The following NRG4 variants were observed in gnomAD, a reference collection of about 807,000 sequenced individuals.
The protein encoded by NRG4 is neuregulin 4.
A neutral mutation model predicts 15.0 loss-of-function variants in NRG4; 10 were observed. That is an observed-to-expected ratio of 0.67 (90% CI 0.41 to 1.13). The LOEUF (loss-of-function observed/expected upper bound fraction) is 1.13, where lower values mean the gene tolerates loss of function less well. Among genes scored for constraint, NRG4 ranks in the 50% most tolerant of loss-of-function variants. The probability of loss-of-function intolerance (pLI) is 0.00; values close to 1 mark genes in which losing one functional copy is unlikely to be tolerated. For synonymous variants in NRG4, 41 were observed against 50.1 expected (o/e 0.82, Z 0.77); for missense variants, 139 against 140.2 (o/e 0.99, Z 0.04).
chr15:76,025,266 C>T (rs762155344), intron 5 of NRG4, among the ~76,000 whole-genome samples: 66 of 151,752 alleles, frequency 4.3e-4, no homozygotes, highest in Admixed American at 1.1e-3. Context: ...GGTGAAACCC[C>T]GTCTCTATTA....
chr15:75,966,671 G>T (rs753252053), intron 3 of NRG4, among the ~76,000 whole-genome samples: 1 of 152,178 alleles, frequency 6.6e-6, no homozygotes, highest in Non-Finnish European at 1.5e-5. Flanking sequence ...ATCCTGGAAA[G>T]AGAAAGTCTA....
At chr15:75,989,786 T>G (rs529705419) in intron 3 of NRG4, among the ~76,000 whole-genome samples, 2 of 152,350 alleles carry the variant, frequency 1.3e-5, no homozygotes, top group East Asian at 3.9e-4. Context: ...CTAATCACAT[T>G]TGCCTGCTTC....
Position 75,977,238 on chromosome 15 carries a change from T to G in NRG4, c.105-15264A>C, listed in dbSNP as rs2033410147. On this transcript the variant is annotated intron_variant, in intron 3 of 5. Coordinates refer to ENST00000394907, the MANE Select transcript of NRG4 (RefSeq NM_138573.4). The surrounding 1 kb of genome is among the most constrained non-coding windows in gnomAD (Gnocchi z 4.9). ...GCTGGCAGCGAGAATTTCAAGCCAG[T>G]GGACTTTAGCTTGCTGGCCTCCATG... is the stretch of plus-strand genomic sequence containing the variant. Among the ~76,000 whole-genome samples the G allele has an allele frequency of 6.6e-6, 1 of 152,158 alleles. No individual in the cohort carries two copies. The highest frequency in any genetic ancestry group is 1.5e-5 in the Non-Finnish European group (1 of 68,018).
At chr15:76,018,330 G>A (rs564961749) in intron 5 of NRG4, among the ~76,000 whole-genome samples, 7 of 152,168 alleles carry the variant, frequency 4.6e-5, no homozygotes, top group East Asian at 3.9e-4. Flanking sequence ...TAATTCTGTC[G>A]ATTTGTCAAA....
intron 4 of NRG4, among the ~76,000 whole-genome samples, chr15:76,044,875 C>T (rs111615626): frequency 0.014 from 2,083 of 149,604 alleles, 156 homozygotes; most frequent in African/African-American, 0.049. Context: ...TGAGTAATAC[C>T]CCACAAGCAC....
At chr15:76,013,505 C>T (rs1030069260), upstream of NRG4, among the ~76,000 whole-genome samples, 2 of 152,128 alleles carry the variant, frequency 1.3e-5, no homozygotes, top group Admixed American at 6.5e-5. Flanking sequence ...CTTAGCCCCC[C>T]ACCCCGACAG....
chr15:75,971,080 T>C (rs1320644345), intron 3 of NRG4: 5 of 260,086 alleles, frequency 1.9e-5, no homozygotes, highest in Non-Finnish European at 3.8e-5. Flanking sequence ...CAAATGAATT[T>C]TGTCCAGTAT....
chr15:76,051,045 G>A (rs1011002543), intron 4 of NRG4, among the ~76,000 whole-genome samples: 7 of 147,770 alleles, frequency 4.7e-5, no homozygotes, highest in South Asian at 2.1e-4. Context: ...TCGCTCTGTC[G>A]CCCAGGCTGG....
chr15:75,960,591 T>C lies in NRG4; in HGVS notation c.251+1237A>G, dbSNP rs1025025309. On this transcript the variant is annotated intron_variant, in intron 4 of 5. Transcript: ENST00000394907. ...TGTTGGCTGGAAGTTCAGCTGGAGCTGGTTCTTCCTGCTGTTTAGGCTTCT... is the reference window on the plus strand; with the variant it reads ...TGTTGGCTGGAAGTTCAGCTGGAGCCGGTTCTTCCTGCTGTTTAGGCTTCT... Among the ~76,000 whole-genome samples, 5 of 152,186 alleles carry C rather than the reference T, an allele frequency of 3.3e-5. No homozygotes were observed. In the East Asian group the frequency reaches 9.6e-4, roughly 29 times the overall value.
chr15:75,946,035 G>T lies in NRG4; in HGVS notation c.332-2381C>A, dbSNP rs115805107. Among the ~76,000 whole-genome samples the T allele has an allele frequency of 7.8e-3, 1,190 of 152,252 alleles. 17 individuals carry two copies. The highest frequency in any genetic ancestry group is 0.027 in the African/African-American group (1,113 of 41,518). ...TAAAATAAGGGTTATTTGAACACAA[G>T]CACTGTGATACTGCAACAGGAGCTC... On this transcript the variant is annotated intron_variant, in intron 5 of 5. Coordinates refer to ENST00000394907, the MANE Select transcript of NRG4 (RefSeq NM_138573.4).
Position 75,977,153 on chromosome 15 carries a change from C to T in NRG4, c.105-15179G>A, listed in dbSNP as rs1043798601. Among the ~76,000 whole-genome samples, 25 of 152,248 alleles carry T rather than the reference C, an allele frequency of 1.6e-4. No homozygotes were observed. The highest frequency in any genetic ancestry group is 3.1e-4 in the Non-Finnish European group (21 of 68,008). The stretch of plus-strand genomic sequence containing the variant: ...ATGAGGGGAAAACTGCCCACTCAAG[C>T]CTCCAGATGCCCCTCCCCCAACCAA... On this transcript the variant is annotated intron_variant, in intron 3 of 5. Coordinates refer to ENST00000394907, the MANE Select transcript of NRG4 (RefSeq NM_138573.4). The surrounding 1 kb of genome is among the most constrained non-coding windows in gnomAD (Gnocchi z 4.9).
At chr15:76,012,492 G>T (rs1332613682), upstream of NRG4, 1 of 152,218 alleles carries the variant, frequency 6.6e-6, no homozygotes, top group Non-Finnish European at 1.5e-5. Context: ...CAGAGGTCAG[G>T]CACTGGCCAC....
At chr15:76,059,051 T>C (rs1354802789) in intron 1 of NRG4, among the ~76,000 whole-genome samples, 1 of 152,126 alleles carries the variant, frequency 6.6e-6, no homozygotes, top group Non-Finnish European at 1.5e-5. Flanking sequence ...GGGCGCAATG[T>C]TACTTTTTAT....
Position 75,988,645 on chromosome 15 carries a change from AT to A in NRG4, c.104+20554del, listed in dbSNP as rs1186411448. Among the ~76,000 whole-genome samples the A allele has an allele frequency of 4.6e-5, 7 of 152,298 alleles. No individual in the cohort carries two copies. In the East Asian group the frequency reaches 1.3e-3, roughly 29 times the overall value. On this transcript the variant is annotated intron_variant, in intron 3 of 5. Transcript: ENST00000394907. The stretch of plus-strand genomic sequence containing the variant: ...CTTTATATTCTACATGTCACACTGG[AT>A]ATTAACTCTGTGTAAATGGCATAAA...
chr15:75,962,956 C>A (rs1233737443), intron 3 of NRG4, among the ~76,000 whole-genome samples: 1 of 152,124 alleles, frequency 6.6e-6, no homozygotes, highest in African/African-American at 2.4e-5. Flanking sequence ...TTATTCCTTT[C>A]CAGTTTAGGT....
chr15:76,028,282 A>C (rs183088599), intron 5 of NRG4, among the ~76,000 whole-genome samples: 1 of 152,160 alleles, frequency 6.6e-6, no homozygotes, highest in Admixed American at 6.5e-5. Flanking sequence ...AAAAAAGAAA[A>C]CCCAAATTAA....
At chr15:76,003,449 A>C (rs1370360273) in intron 3 of NRG4, among the ~76,000 whole-genome samples, 2 of 152,150 alleles carry the variant, frequency 1.3e-5, no homozygotes, top group African/African-American at 4.8e-5. Context: ...CCCATGGGAC[A>C]CCATCAAATG....
chr15:75,959,892 T>G (rs2032433689), intron 4 of NRG4, among the ~76,000 whole-genome samples: 1 of 152,192 alleles, frequency 6.6e-6, no homozygotes, highest in Admixed American at 6.5e-5. Context: ...GTGTGAGACC[T>G]TCCAGAGCTT....
At chr15:75,986,653 C>G (rs555851518) in intron 3 of NRG4, among the ~76,000 whole-genome samples, 1 of 152,012 alleles carries the variant, frequency 6.6e-6, no homozygotes, top group South Asian at 2.1e-4. Context: ...TACTATAAAC[C>G]TTTTATTATG....
Sources: gnomAD v4.1 joint callset for allele counts (sites outside exome capture counted in the v4.1 genomes callset) on GRCh38, gnomAD v4.1.1 for gene constraint, Gnocchi (gnomAD v3.1) non-coding constraint, MANE v1.5 for transcripts, NCBI Gene and HGNC (gene_info 2026-07-23, HGNC 2026-07-21) for gene names.